CNTN5: variants seen among roughly 807,000 people sequenced by gnomAD.
The protein encoded by CNTN5 is contactin 5.
Under a neutral mutation model 129.1 loss-of-function variants are expected in CNTN5, and 77 were observed. The ratio of observed to expected loss-of-function variants is 0.60; its 90% CI spans 0.50 to 0.72. The LOEUF (loss-of-function observed/expected upper bound fraction) is 0.72. Among genes scored for constraint, CNTN5 ranks in the 30% least tolerant of loss-of-function variants. The pLI is 0.00. For missense variants in CNTN5, 1,478 were observed against 1,328.8 expected (o/e 1.11, Z -1.75); for synonymous variants, 509 against 465.6 (o/e 1.09, Z -1.20).
chr11:99,655,769 A>G (rs917502510), intron 3 of CNTN5, among the ~76,000 whole-genome samples: 1 of 152,124 alleles, frequency 6.6e-6, no homozygotes, highest in African/African-American at 2.4e-5. Context: ...GCACACACAT[A>G]TCACACACAT....
chr11:99,176,847 G>T (rs1228274167), intron 1 of CNTN5, among the ~76,000 whole-genome samples: 1 of 152,080 alleles, frequency 6.6e-6, no homozygotes, highest in African/African-American at 2.4e-5. Flanking sequence ...ATCAGATTCT[G>T]TCACTCCTCT....
At chr11:99,803,476 C>T (rs1946175566) in intron 3 of CNTN5, among the ~76,000 whole-genome samples, 2 of 152,352 alleles carry the variant, frequency 1.3e-5, no homozygotes, top group African/African-American at 2.4e-5. Flanking sequence ...TGCAGCCACA[C>T]TGCTGGGTCA....
intron 2 of CNTN5, among the ~76,000 whole-genome samples, chr11:99,552,336 G>A (rs1312116118): frequency 6.6e-6 from 1 of 151,604 alleles, no homozygotes; most frequent in East Asian, 1.9e-4. Flanking sequence ...TGTTCTAGAT[G>A]CTGGTTCTGT....
intron 1 of CNTN5, among the ~76,000 whole-genome samples, chr11:99,209,386 G>A (rs1215297984): frequency 6.6e-6 from 1 of 152,262 alleles, no homozygotes; most frequent in Non-Finnish European, 1.5e-5. Context: ...CATGGTGGAA[G>A]GCAAAGGGGG....
At chr11:99,343,111 A>G (rs1205475814) in intron 2 of CNTN5, among the ~76,000 whole-genome samples, 1 of 152,218 alleles carries the variant, frequency 6.6e-6, no homozygotes, top group East Asian at 1.9e-4. Flanking sequence ...GTCAGGCCTC[A>G]TCTGGAAGAG....
intron 13 of CNTN5, among the ~76,000 whole-genome samples, chr11:100,130,586 G>A (rs1019183551): frequency 2.0e-5 from 3 of 152,080 alleles, no homozygotes; most frequent in African/African-American, 7.2e-5. Context: ...GGGCAGGGAT[G>A]GCTGTGTGAA....
chr11:99,917,833 CATAAG>C (rs1295351271), intron 7 of CNTN5, among the ~76,000 whole-genome samples: 5 of 152,170 alleles, frequency 3.3e-5, no homozygotes, highest in East Asian at 3.9e-4. Flanking sequence ...GTAAGATAAA[CATAAG>C]ATAAGAATAG....
intron 3 of CNTN5, among the ~76,000 whole-genome samples, chr11:99,804,650 C>T (rs1238264923): frequency 6.6e-6 from 1 of 151,218 alleles, no homozygotes; most frequent in African/African-American, 2.4e-5. Flanking sequence ...ACATAAGCCC[C>T]TTAATCGTTA....
Position 99,328,032 on chromosome 11 carries a change from C to T in CNTN5, c.-71+2548C>T, listed in dbSNP as rs180676279. Among the ~76,000 whole-genome samples the T allele has an allele frequency of 7.2e-5, 11 of 152,246 alleles. No individual in the cohort carries two copies. In the East Asian group the frequency reaches 2.1e-3, roughly 29 times the overall value. ...AACCTCTAAGTATCAATGTATGCAT[C>T]TCTTAGAGAGTATTACAGTTGATAA... On this transcript the variant is annotated intron_variant, in intron 2 of 24. Transcript: ENST00000524871.
At chr11:99,038,783 A>G (rs1863864466) in intron 1 of CNTN5, among the ~76,000 whole-genome samples, 1 of 151,902 alleles carries the variant, frequency 6.6e-6, no homozygotes, top group Admixed American at 6.6e-5. Flanking sequence ...TAGTACATAT[A>G]TAGTATATAT....
intron 3 of CNTN5, among the ~76,000 whole-genome samples, chr11:99,715,344 T>A (rs1257558580): frequency 2.0e-5 from 3 of 151,660 alleles, no homozygotes; most frequent in Non-Finnish European, 4.4e-5. Flanking sequence ...GAGGCAATGG[T>A]GAGGCCATCC....
At chr11:99,755,337 G>C (rs1292064147) in intron 3 of CNTN5, among the ~76,000 whole-genome samples, 4 of 152,130 alleles carry the variant, frequency 2.6e-5, no homozygotes, top group Non-Finnish European at 5.9e-5. Flanking sequence ...TTGCACTCCT[G>C]TCAGCAACGA....
intron 1 of CNTN5, among the ~76,000 whole-genome samples, chr11:99,277,510 T>A (rs17133375): frequency 0.016 from 2,500 of 151,824 alleles, 65 homozygotes; most frequent in African/African-American, 0.056. Context: ...CAGTGACAGC[T>A]TGTTGTTTTA....
chr11:99,599,449 C>A (rs1950246450), intron 3 of CNTN5, among the ~76,000 whole-genome samples: 1 of 152,028 alleles, frequency 6.6e-6, no homozygotes, highest in African/African-American at 2.4e-5. Flanking sequence ...TATAAGAAAT[C>A]AAACATCCTT....
At chr11:99,332,655 G>T (rs754702853) in intron 2 of CNTN5, among the ~76,000 whole-genome samples, 4 of 151,994 alleles carry the variant, frequency 2.6e-5, no homozygotes, top group Non-Finnish European at 5.9e-5. Context: ...ATGTAAATAA[G>T]GAGAATTGGC....
intron 1 of CNTN5, among the ~76,000 whole-genome samples, chr11:99,132,346 G>T (rs142914102): frequency 6.6e-6 from 1 of 152,234 alleles, no homozygotes; most frequent in East Asian, 1.9e-4. Context: ...ACTGGCACAA[G>T]ACAAGGATGC....
At chr11:99,110,513 C>A (rs570151486) in intron 1 of CNTN5, among the ~76,000 whole-genome samples, 2 of 152,226 alleles carry the variant, frequency 1.3e-5, no homozygotes, top group South Asian at 4.1e-4. Context: ...ACACCACATA[C>A]CACCAGCAAA....
chr11:99,390,452 A>G (rs1042650258), intron 2 of CNTN5, among the ~76,000 whole-genome samples: 2 of 152,236 alleles, frequency 1.3e-5, no homozygotes, highest in Non-Finnish European at 2.9e-5. Flanking sequence ...AAGATTTTAA[A>G]ACAAATATAT....
intron 1 of CNTN5, among the ~76,000 whole-genome samples, chr11:99,107,094 A>G (rs1867032636): frequency 1.3e-5 from 2 of 152,152 alleles, no homozygotes; most frequent in African/African-American, 4.8e-5. Context: ...TCTCATTTTT[A>G]TTACCCTGCC....
Sources: allele counts gnomAD v4.1 joint callset (sites outside exome capture counted in the v4.1 genomes callset), GRCh38; gene constraint gnomAD v4.1.1; transcripts MANE v1.5; gene names NCBI Gene and HGNC (gene_info 2026-07-23, HGNC 2026-07-21).